Variants in LRRC37A observed in about 807,000 individuals in gnomAD.
LRRC37A encodes the protein leucine rich repeat containing 37A.
Under a neutral mutation model 35.4 loss-of-function variants are expected in LRRC37A, and 3 were observed. The observed-to-expected ratio is 0.08, with a 90% CI of 0.04 to 0.22. The LOEUF (loss-of-function observed/expected upper bound fraction) is 0.22, where lower values mean the gene tolerates loss of function less well. LRRC37A is among the 10% of genes least tolerant of loss of function. LRRC37A has a pLI of 1.00. For missense variants in LRRC37A, 67 were observed against 565.3 expected (o/e 0.12, Z 8.94); for synonymous variants, 23 against 215.0 (o/e 0.11, Z 7.81).
the LRRC37A span, among the ~76,000 whole-genome samples, chr17:46,282,546 C>T: frequency 6.6e-6 from 1 of 151,636 alleles, no homozygotes; most frequent in Non-Finnish European, 1.5e-5. Flanking sequence ...TCCCAAGTAG[C>T]TGGGACTATA....
At chr17:46,260,149 A>G in the LRRC37A span, 1 of 1,010,914 alleles carries the variant, frequency 9.9e-7, no homozygotes, top group African/African-American at 1.9e-5. Flanking sequence ...CGCGGGCAGC[A>G]GCGCGGGCAG....
At chr17:46,267,632 A>G in the LRRC37A span, 2 of 1,415,972 alleles carry the variant, frequency 1.4e-6, no homozygotes, top group Non-Finnish European at 2.0e-6. Context: ...CGGATGGGGG[A>G]CAGTATTGTA....
the LRRC37A span, among the ~76,000 whole-genome samples, chr17:46,283,332 A>G: frequency 6.6e-4 from 100 of 152,358 alleles, no homozygotes; most frequent in African/African-American, 2.3e-3. Flanking sequence ...TAATAACACC[A>G]TAATAATCTG....
the LRRC37A span, among the ~76,000 whole-genome samples, chr17:46,280,936 T>A: frequency 1.3e-5 from 2 of 152,236 alleles, no homozygotes; most frequent in African/African-American, 4.8e-5. Flanking sequence ...CTTACATGAC[T>A]GAAAATGTAT....
chr17:46,279,028 T>G, the LRRC37A span, among the ~76,000 whole-genome samples: 17,147 of 149,856 alleles, frequency 0.11, no homozygotes, highest in Non-Finnish European at 0.17. Context: ...GAACTCCTGA[T>G]CTCAGGTGAT....
At chr17:46,273,346 G>T in the LRRC37A span, among the ~76,000 whole-genome samples, 2 of 152,078 alleles carry the variant, frequency 1.3e-5, no homozygotes, top group African/African-American at 4.8e-5. Context: ...TTTTCATATT[G>T]AGTGATTAGT....
At chr17:46,265,485 T>C in the LRRC37A span, among the ~76,000 whole-genome samples, 3 of 100,902 alleles carry the variant, frequency 3.0e-5, no homozygotes, top group Non-Finnish European at 7.3e-5. Context: ...TTCTTCTTTC[T>C]TTTTTTTTCG....
chr17:46,249,445 G>C, the LRRC37A span, among the ~76,000 whole-genome samples: 1 of 152,186 alleles, frequency 6.6e-6, no homozygotes, highest in African/African-American at 2.4e-5. Context: ...TCCTTGTCCT[G>C]CTTGACTTGG....
At chr17:46,275,431 GA>G in the LRRC37A span, 4 of 917,292 alleles carry the variant, frequency 4.4e-6, no homozygotes, top group South Asian at 2.7e-5. Flanking sequence ...ACAGAGTATA[GA>G]AAAAGGGAAC....
chr17:46,255,333 T>C, the LRRC37A span, among the ~76,000 whole-genome samples: 1 of 151,466 alleles, frequency 6.6e-6, no homozygotes, highest in African/African-American at 2.4e-5. Context: ...GCTACTATTA[T>C]GGGCTAAGTG....
At chr17:46,259,019 A>ATTTTGTTTTTTTTTTTT in the LRRC37A span, among the ~76,000 whole-genome samples, 1 of 79,468 alleles carries the variant, frequency 1.3e-5, no homozygotes, top group Non-Finnish European at 2.2e-5. Flanking sequence ...CACCCGGCCT[A>ATTTTGTTTTTTTTTTTT]TTTTTTTTTT....
the LRRC37A span, among the ~76,000 whole-genome samples, chr17:46,261,474 C>T: frequency 2.6e-5 from 4 of 152,062 alleles, no homozygotes; most frequent in South Asian, 2.1e-4. Flanking sequence ...TGCAATGGCA[C>T]GATCTCAGCT....
the LRRC37A span, among the ~76,000 whole-genome samples, chr17:46,266,569 A>G: frequency 6.6e-6 from 1 of 152,194 alleles, no homozygotes; most frequent in Non-Finnish European, 1.5e-5. Flanking sequence ...GTTAGAGGAG[A>G]GAAAGCAAGC....
chr17:46,275,994 G>A, the LRRC37A span, among the ~76,000 whole-genome samples: 4 of 152,096 alleles, frequency 2.6e-5, no homozygotes, highest in African/African-American at 9.7e-5. Context: ...AGATTCAAGC[G>A]ATTCTCCTGC....
At chr17:46,283,011 C>T in the LRRC37A span, among the ~76,000 whole-genome samples, 6 of 151,996 alleles carry the variant, frequency 3.9e-5, no homozygotes, top group Non-Finnish European at 7.4e-5. Context: ...CCCAACTACG[C>T]GGGAGGCTGA....
chr17:46,267,954 G>A, the LRRC37A span, among the ~76,000 whole-genome samples: 1 of 134,898 alleles, frequency 7.4e-6, no homozygotes, highest in Non-Finnish European at 1.5e-5. Flanking sequence ...AGGCTGGAGT[G>A]CAATGGCGCC....
chr17:46,283,870 A>G, the LRRC37A span, among the ~76,000 whole-genome samples: 1 of 152,360 alleles, frequency 6.6e-6, no homozygotes, highest in South Asian at 2.1e-4. Context: ...GCAGATAAAC[A>G]CATGAACAAA....
the LRRC37A span, among the ~76,000 whole-genome samples, chr17:46,283,218 C>A: frequency 6.6e-6 from 1 of 152,182 alleles, no homozygotes; most frequent in African/African-American, 2.4e-5. Flanking sequence ...CCCCCACCAG[C>A]CTTGCTAAAA....
rs531257027 is a variant in LRRC37A at position 46,311,355 on chromosome 17, C to T, written c.2906+5046C>T. The T allele has an allele frequency of 1.8e-3, 550 of 309,758 alleles. 1 individual carries two copies. The South Asian group carries it at 0.02, about 11-fold the overall frequency. The allele number at this position is 309,758 out of a possible 1,614,324, so 19.2% of individuals were successfully genotyped here. On this transcript the variant is annotated intron_variant, in intron 5 of 13. Transcript: ENST00000320254. ...AGTGGGTGAGGGTCTAGGTCATCTGCTTATTTCTTTGACTACCTTCTTCCA... is the reference window on the plus strand; with the variant it reads ...AGTGGGTGAGGGTCTAGGTCATCTGTTTATTTCTTTGACTACCTTCTTCCA...
Sources: allele counts gnomAD v4.1 joint callset (sites outside exome capture counted in the v4.1 genomes callset), GRCh38; gene constraint gnomAD v4.1.1; transcripts MANE v1.5; gene names NCBI Gene and HGNC (gene_info 2026-07-23, HGNC 2026-07-21).